Variants in RORA observed in about 807,000 individuals in gnomAD.
RORA encodes nuclear receptor ROR-alpha.
Under a neutral mutation model 69.5 loss-of-function variants are expected in RORA, and 7 were observed. That is an observed-to-expected ratio of 0.10 (90% CI 0.06 to 0.19). The LOEUF (loss-of-function observed/expected upper bound fraction) is 0.19. Among genes scored for constraint, RORA ranks in the 10% least tolerant of loss-of-function variants. The probability of loss-of-function intolerance (pLI) is 1.00; values close to 1 mark genes in which losing one functional copy is unlikely to be tolerated. For missense variants in RORA, 457 were observed against 663.0 expected (o/e 0.69, Z 3.41); for synonymous variants, 261 against 240.8 (o/e 1.08, Z -0.78).
intron 1 of RORA, among the ~76,000 whole-genome samples, chr15:60,728,249 TAAAATACTTTTTTGCTTTGTAAACAG>T (rs2071387937): frequency 6.6e-6 from 1 of 152,220 alleles, no homozygotes; most frequent in African/African-American, 2.4e-5. Context: ...TCACCCAGGC[TAAAATACTTTTTTGCTTTGTAAACAG>T]AATCCATAAC....
In RORA at chr15:60,901,321, G is replaced by C. The variant is rs549707829; in HGVS notation, c.167-222635C>G. ...TGAGTAGCTGGGATTAAAAACACCA[G>C]CCACCACACCCAGCTAATTTTTGTA... On this transcript the variant is annotated intron_variant, in intron 1 of 10. Coordinates refer to ENST00000335670, the MANE Select transcript of RORA (RefSeq NM_134261.3). Among the ~76,000 whole-genome samples the C allele has an allele frequency of 8.3e-4, 126 of 152,266 alleles. 3 individuals are homozygous for C. Among genetic ancestry groups the C allele is most frequent in the African/African-American group, 2.9e-3 (122 of 41,548 alleles).
At chr15:60,704,333 C>T (rs548576707) in intron 1 of RORA, among the ~76,000 whole-genome samples, 26 of 152,358 alleles carry the variant, frequency 1.7e-4, no homozygotes, top group South Asian at 1.0e-3. Flanking sequence ...GCTGCCCTCC[C>T]GGCATCACAC....
chr15:60,775,718 T>A (rs1392404219), intron 1 of RORA, among the ~76,000 whole-genome samples: 1 of 152,236 alleles, frequency 6.6e-6, no homozygotes, highest in Non-Finnish European at 1.5e-5. Context: ...TCTCTTTTCC[T>A]ATTAATGAAC....
At chr15:60,787,476 G>T (rs1190630158) in intron 1 of RORA, among the ~76,000 whole-genome samples, 9 of 152,218 alleles carry the variant, frequency 5.9e-5, no homozygotes, top group Admixed American at 5.9e-4. Context: ...TCTGCAAGGG[G>T]TGGAGTGGGG....
chr15:61,158,553 A>G (rs902275044), intron 1 of RORA, among the ~76,000 whole-genome samples: 2 of 152,160 alleles, frequency 1.3e-5, no homozygotes, highest in African/African-American at 2.4e-5. Flanking sequence ...TGAATAAACA[A>G]TTTTTGAGCA....
intron 1 of RORA, among the ~76,000 whole-genome samples, chr15:60,702,372 C>T (rs1246825873): frequency 6.6e-6 from 1 of 152,128 alleles, no homozygotes; most frequent in Non-Finnish European, 1.5e-5. Context: ...GCTGGGATTA[C>T]AGGCACGAGC....
At chr15:60,898,697 T>C (rs1049228443) in intron 1 of RORA, among the ~76,000 whole-genome samples, 9 of 151,688 alleles carry the variant, frequency 5.9e-5, no homozygotes, top group African/African-American at 1.9e-4. Flanking sequence ...ACTCTAACTC[T>C]TAAAAAAAAA....
Position 60,537,454 on chromosome 15 carries a change from C to T in RORA, c.197-5603G>A, listed in dbSNP as rs35164415. 0.34 allele frequency among the ~76,000 whole-genome samples: 50,953 copies of T among 152,050 alleles called. 11,048 individuals carry two copies. Among genetic ancestry groups the T allele is most frequent in the African/African-American group, 0.61 (25,452 of 41,426 alleles). On this transcript the variant is annotated intron_variant, in intron 2 of 10. Coordinates refer to ENST00000335670, the MANE Select transcript of RORA (RefSeq NM_134261.3). This position sits in a 1 kb window ranked among gnomAD's most constrained non-coding sequence, Gnocchi z 4.9. Reference sequence around the variant, plus strand: ...TTCCAGGGGTAGTGCCCCTTCTCTACAGTGCTAGGAGTGGACAGTTCAGGG... The same window carrying T: ...TTCCAGGGGTAGTGCCCCTTCTCTATAGTGCTAGGAGTGGACAGTTCAGGG...
chr15:60,991,534 G>A (rs1051321446), intron 1 of RORA, among the ~76,000 whole-genome samples: 1 of 144,138 alleles, frequency 6.9e-6, no homozygotes. Flanking sequence ...AAGAGTTTTT[G>A]TTAAAAAAAT....
chr15:60,843,232 G>A (rs2073223160), intron 1 of RORA, among the ~76,000 whole-genome samples: 2 of 152,152 alleles, frequency 1.3e-5, no homozygotes, highest in Admixed American at 1.3e-4. Context: ...GAGTCCCCAT[G>A]TTAAGCAGAG....
intron 1 of RORA, among the ~76,000 whole-genome samples, chr15:60,872,287 T>C (rs893971583): frequency 1.3e-5 from 2 of 152,176 alleles, no homozygotes; most frequent in African/African-American, 4.8e-5. Context: ...TATACAAAGA[T>C]GCTCTGGAGA....
At chr15:60,938,639 A>T (rs1430193819) in intron 1 of RORA, among the ~76,000 whole-genome samples, 3 of 152,190 alleles carry the variant, frequency 2.0e-5, no homozygotes, top group African/African-American at 7.2e-5. Context: ...GGAGGGAAAC[A>T]CTCACTTAAA....
At chr15:60,773,202 G>C (rs1006563256) in intron 1 of RORA, among the ~76,000 whole-genome samples, 36 of 152,178 alleles carry the variant, frequency 2.4e-4, no homozygotes, top group African/African-American at 7.7e-4. Context: ...GGGAGTCACA[G>C]GCTTTCCGGC....
intron 1 of RORA, chr15:60,848,120 TC>T (rs1430783951): frequency 3.3e-5 from 5 of 152,270 alleles, no homozygotes; most frequent in African/African-American, 1.2e-4. Context: ...AGGTCCAGGA[TC>T]TTTGCAGCCT....
intron 1 of RORA, among the ~76,000 whole-genome samples, chr15:61,087,143 T>A (rs140122800): frequency 6.6e-6 from 1 of 152,276 alleles, no homozygotes; most frequent in African/African-American, 2.4e-5. Context: ...GGTGACAGAA[T>A]AAGACCCTGT....
intron 2 of RORA, among the ~76,000 whole-genome samples, chr15:60,665,769 GGTTCAAGCA>G (rs1414473070): frequency 2.0e-5 from 3 of 152,024 alleles, no homozygotes; most frequent in Non-Finnish European, 4.4e-5. Context: ...CCATCTCCCG[GGTTCAAGCA>G]ATTCTCGTGC....
chr15:61,078,794 C>T (rs76385604), intron 1 of RORA, among the ~76,000 whole-genome samples: 12 of 80,926 alleles, frequency 1.5e-4, no homozygotes, highest in Middle Eastern at 0.013. Context: ...TATCCATCCA[C>T]CCACCCACCC....
intron 3 of RORA, among the ~76,000 whole-genome samples, chr15:60,516,090 T>C (rs1480215233): frequency 3.9e-5 from 3 of 77,296 alleles, no homozygotes; most frequent in South Asian, 3.1e-4. Context: ...TTTATATATA[T>C]TTATATATAT....
chr15:60,677,722 G>T (rs1356525430), intron 2 of RORA, among the ~76,000 whole-genome samples: 1 of 151,864 alleles, frequency 6.6e-6, no homozygotes, highest in African/African-American at 2.4e-5. Context: ...CGTTTCACAT[G>T]AAATAAAAAA....
Sources: allele counts gnomAD v4.1 joint callset (sites outside exome capture counted in the v4.1 genomes callset), GRCh38; gene constraint gnomAD v4.1.1; non-coding constraint Gnocchi (gnomAD v3.1); transcripts MANE v1.5; gene names NCBI Gene and HGNC (gene_info 2026-07-23, HGNC 2026-07-21).